MYO1D: variants seen among roughly 807,000 people sequenced by gnomAD.
The protein encoded by MYO1D is myosin ID, also known as unconventional myosin-Id.
Under a neutral mutation model 122.0 loss-of-function variants are expected in MYO1D, and 83 were observed. The ratio of observed to expected loss-of-function variants is 0.68; its 90% CI spans 0.57 to 0.82. MYO1D has a LOEUF of 0.82. MYO1D is among the 40% of genes least tolerant of loss of function. MYO1D has a pLI of 0.00. For missense variants in MYO1D, 1,157 were observed against 1,269.5 expected, an observed-to-expected ratio of 0.91 and a Z score of 1.35; for synonymous variants, 464 against 446.9, an observed-to-expected ratio of 1.04 and a Z score of -0.48.
chr17:32,690,597 C>T (rs940881312), intron 16 of MYO1D, among the ~76,000 whole-genome samples: 5 of 152,276 alleles, frequency 3.3e-5, no homozygotes, highest in African/African-American at 9.6e-5. Flanking sequence ...GACTGGATCA[C>T]GGAGCAGATC....
intron 21 of MYO1D, among the ~76,000 whole-genome samples, chr17:32,507,429 A>T (rs1214366894): frequency 6.6e-6 from 1 of 151,988 alleles, no homozygotes; most frequent in Non-Finnish European, 1.5e-5. Flanking sequence ...AAAACAAAAA[A>T]CTTGGGTGTA....
Position 32,721,142 on chromosome 17 carries a change from TGGA to T in MYO1D, c.1791_1793del (p.Pro598del), listed in dbSNP as rs1295632905. 1 of 1,614,130 alleles carries T rather than the reference TGGA, an allele frequency of 6.2e-7. No individual in the cohort carries two copies. Among genetic ancestry groups the T allele is most frequent in the Non-Finnish European group, 8.5e-7 (1 of 1,179,988 alleles). ...GGCAGCGTTCATCATCAAATATCTG[TGGA>T]GATTTCTTGTCATTGGGTTTGATGC... On this transcript the variant is annotated inframe_deletion, in exon 15 of 22. Transcript: ENST00000318217.
At chr17:32,585,664 A>T (rs1189516515) in intron 21 of MYO1D, among the ~76,000 whole-genome samples, 1 of 149,970 alleles carries the variant, frequency 6.7e-6, no homozygotes, top group Non-Finnish European at 1.5e-5. Flanking sequence ...TGGGAGGCGG[A>T]GGTTGCAGTG....
chr17:32,800,864 C>T (rs1450659830), intron 1 of MYO1D, among the ~76,000 whole-genome samples: 1 of 152,066 alleles, frequency 6.6e-6, no homozygotes, highest in Non-Finnish European at 1.5e-5. Flanking sequence ...CGTGCCACAA[C>T]ACCAGCTAAT....
intron 16 of MYO1D, among the ~76,000 whole-genome samples, chr17:32,680,892 T>C (rs1357800557): frequency 6.6e-6 from 1 of 152,188 alleles, no homozygotes; most frequent in East Asian, 1.9e-4. Flanking sequence ...GGACTCTTTT[T>C]GGTTGGTAAA....
intron 21 of MYO1D, among the ~76,000 whole-genome samples, chr17:32,557,010 A>G (rs225183): frequency 0.47 from 72,110 of 151,876 alleles, 17,321 homozygotes; most frequent in South Asian, 0.62. Context: ...CCCCAATTAA[A>G]GCAGTTTAAA....
At chr17:32,876,551 G>C (rs751691307) in intron 1 of MYO1D, among the ~76,000 whole-genome samples, 2 of 152,100 alleles carry the variant, frequency 1.3e-5, no homozygotes, top group Non-Finnish European at 2.9e-5. Context: ...CGCGGCCCTT[G>C]AGCTCGACAC....
intron 14 of MYO1D, among the ~76,000 whole-genome samples, chr17:32,723,655 C>T (rs2089538150): frequency 6.6e-6 from 1 of 152,048 alleles, no homozygotes; most frequent in Admixed American, 6.5e-5. Context: ...CCTCTTGGAC[C>T]ACTTCTACCA....
chr17:32,721,050 C>T lies in MYO1D; in HGVS notation c.1886G>A (p.Arg629His), dbSNP rs1262527589. Reference sequence around the variant, plus strand: ...GTGAAGAAACTTCTCGTATGTCTGGCGGAAGGCAAATCCTGCCCGACGCAC... The same window carrying T: ...GTGAAGAAACTTCTCGTATGTCTGGTGGAAGGCAAATCCTGCCCGACGCAC... ...VRVRRAGFAF[R>H]QTYEKFLHRY... The change falls in exon 15 of 22, where the codon CGC becomes CAC. Residue 629 changes from arginine to histidine, a missense_variant. By Grantham distance (29) the Arg-to-His change is conservative. Coordinates refer to ENST00000318217, the MANE Select transcript of MYO1D (RefSeq NM_015194.3). 3.1e-6 allele frequency: 5 copies of T among 1,613,948 alleles called. No homozygotes were observed. The highest frequency in any genetic ancestry group is 2.2e-5 in the East Asian group (1 of 44,900).
intron 1 of MYO1D, among the ~76,000 whole-genome samples, chr17:32,849,379 A>G (rs112389511): frequency 0.021 from 2,956 of 142,598 alleles, 94 homozygotes; most frequent in African/African-American, 0.075. Context: ...TGTTTATTGC[A>G]GCATTATTCA....
intron 1 of MYO1D, among the ~76,000 whole-genome samples, chr17:32,801,541 T>C (rs1310775284): frequency 6.6e-6 from 1 of 152,118 alleles, no homozygotes; most frequent in African/African-American, 2.4e-5. Flanking sequence ...AGTATATATG[T>C]TGAGGATAAT....
intron 1 of MYO1D, among the ~76,000 whole-genome samples, chr17:32,873,814 T>C (rs2091203843): frequency 6.6e-6 from 1 of 152,056 alleles, no homozygotes; most frequent in Non-Finnish European, 1.5e-5. Flanking sequence ...ATGAGATACA[T>C]ACAAATACAT....
In MYO1D at chr17:32,738,271, T is replaced by C; in HGVS notation, c.1728A>G (p.Val576=). 1 of 1,608,212 alleles carries C rather than the reference T, an allele frequency of 6.2e-7. No individual in the cohort carries two copies. Among genetic ancestry groups the C allele is most frequent in the Non-Finnish European group, 8.5e-7 (1 of 1,177,292 alleles). ...TLFKNSMIAL[V]DNLASKEPYY... ...TAATTACCTTTGATGCAAGGTTGTC[T>C]ACTAGAGCAATCATAGAATTCTTAA... The change falls in exon 14 of 22, where the codon GTA becomes GTG. Residue 576 remains valine, a synonymous_variant. Coordinates refer to ENST00000318217, the MANE Select transcript of MYO1D (RefSeq NM_015194.3).
At chr17:32,546,909 CTTT>C (rs11410191) in intron 21 of MYO1D, among the ~76,000 whole-genome samples, 3 of 138,436 alleles carry the variant, frequency 2.2e-5, no homozygotes, top group Non-Finnish European at 3.1e-5. Flanking sequence ...AAATAAGAAC[CTTT>C]TTTTTTTTTT....
chr17:32,593,727 G>A (rs2087461316), intron 21 of MYO1D, among the ~76,000 whole-genome samples: 1 of 152,118 alleles, frequency 6.6e-6, no homozygotes, highest in African/African-American at 2.4e-5. Context: ...CATGAGGTCA[G>A]GAGTTCGAGA....
intron 21 of MYO1D, among the ~76,000 whole-genome samples, chr17:32,599,541 T>G (rs955148049): frequency 6.6e-6 from 1 of 152,252 alleles, no homozygotes; most frequent in Non-Finnish European, 1.5e-5. Flanking sequence ...ACAAATGTTC[T>G]TAGTGGCATC....
Position 32,760,593 on chromosome 17 carries a change from G to A in MYO1D, c.1070C>T (p.Thr357Ile), listed in dbSNP as rs1429318134. The A allele has an allele frequency of 2.5e-6, 4 of 1,611,110 alleles. No individual in the cohort carries two copies. Among genetic ancestry groups the A allele is most frequent in the Non-Finnish European group, 3.4e-6 (4 of 1,178,962 alleles). ...GACCTCAATAATATCATTGATGCGA[G>A]TAACGATCCAACAAAAAAGGCGCTC... ...IYERLFCWIV[T>I]RINDIIEVKN... is the part of the protein sequence containing the mutation. The change falls in exon 9 of 22, where the codon ACT becomes ATT. Residue 357 changes from threonine to isoleucine, a missense_variant. Thr to Ile is a moderately conservative substitution (Grantham distance 89). Coordinates refer to ENST00000318217, the MANE Select transcript of MYO1D (RefSeq NM_015194.3).
In MYO1D at chr17:32,610,875, C is replaced by T. The variant is rs115395784; in HGVS notation, c.2710-5634G>A. Among the ~76,000 whole-genome samples the T allele has an allele frequency of 7.4e-3, 1,125 of 152,238 alleles. 12 individuals are homozygous for T. The highest frequency in any genetic ancestry group is 0.026 in the African/African-American group (1,083 of 41,538). On this transcript the variant is annotated intron_variant, in intron 20 of 21. Transcript: ENST00000318217. ...GCCATAACACATAGATGCGTTTCTC[C>T]GAACAAAAGGGAAACTCCTTATCAA...
chr17:32,762,591 T>A (rs575379835), intron 8 of MYO1D, among the ~76,000 whole-genome samples: 1 of 152,146 alleles, frequency 6.6e-6, no homozygotes, highest in Non-Finnish European at 1.5e-5. Context: ...AAATGCAAAC[T>A]TGCCAGGTGC....
Sources: gnomAD v4.1 joint callset for allele counts (sites outside exome capture counted in the v4.1 genomes callset) on GRCh38, gnomAD v4.1.1 for gene constraint, MANE v1.5 for transcripts, NCBI Gene and HGNC (gene_info 2026-07-23, HGNC 2026-07-21) for gene names.